Variants in NELL1 observed in about 807,000 individuals in gnomAD.
NELL1 encodes the protein neural EGFL like 1, also known as protein kinase C-binding protein NELL1.
NELL1 carries 76 observed loss-of-function variants against 107.4 expected under a neutral mutation model. The ratio of observed to expected loss-of-function variants is 0.71; its 90% CI spans 0.59 to 0.86. The LOEUF is 0.86. Among genes scored for constraint, NELL1 ranks in the 40% least tolerant of loss-of-function variants. The pLI, the probability that NELL1 is intolerant of heterozygous loss-of-function variation, is 0.00. For synonymous variants in NELL1, 353 were observed against 341.2 expected (o/e 1.03, Z -0.38); for missense variants, 1,024 against 1,005.5 (o/e 1.02, Z -0.25).
At chr11:21,119,790 T>G (rs1482263216) in intron 13 of NELL1, among the ~76,000 whole-genome samples, 1 of 152,066 alleles carries the variant, frequency 6.6e-6, no homozygotes, top group Non-Finnish European at 1.5e-5. Flanking sequence ...ATGCTTTTGG[T>G]TTTTGGAATA....
chr11:21,520,970 G>T (rs765005848), intron 15 of NELL1, among the ~76,000 whole-genome samples: 1 of 152,214 alleles, frequency 6.6e-6, no homozygotes, highest in Non-Finnish European at 1.5e-5. Flanking sequence ...GTTCAATAGA[G>T]TCCTATGGTT....
At chr11:21,421,398 T>TCAA (rs1430735737) in intron 15 of NELL1, among the ~76,000 whole-genome samples, 1 of 152,102 alleles carries the variant, frequency 6.6e-6, no homozygotes, top group African/African-American at 2.4e-5. Flanking sequence ...CCTACCCACC[T>TCAA]CAACTCTGTG....
intron 3 of NELL1, among the ~76,000 whole-genome samples, chr11:20,818,068 T>C (rs1423263215): frequency 2.6e-5 from 4 of 152,192 alleles, no homozygotes; most frequent in Admixed American, 2.6e-4. Context: ...ATTCTGTGTT[T>C]GATGGATGGA....
intron 2 of NELL1, among the ~76,000 whole-genome samples, chr11:20,757,893 A>C (rs1856332939): frequency 6.6e-6 from 1 of 152,212 alleles, no homozygotes; most frequent in Non-Finnish European, 1.5e-5. Flanking sequence ...TTGATGGCTT[A>C]AACAACAGAA....
chr11:21,437,179 T>C (rs949869616), intron 15 of NELL1, among the ~76,000 whole-genome samples: 1 of 152,202 alleles, frequency 6.6e-6, no homozygotes, highest in Admixed American at 6.5e-5. Context: ...ATTTTTCATC[T>C]AGATGGTCTG....
At chr11:21,556,768 A>G (rs1403507599) in intron 16 of NELL1, among the ~76,000 whole-genome samples, 1 of 152,036 alleles carries the variant, frequency 6.6e-6, no homozygotes, top group Non-Finnish European at 1.5e-5. Context: ...AAAATATTTC[A>G]TTCGAGCATG....
intron 12 of NELL1, among the ~76,000 whole-genome samples, chr11:21,023,062 A>G (rs929486460): frequency 6.6e-6 from 1 of 152,014 alleles, no homozygotes; most frequent in Non-Finnish European, 1.5e-5. Context: ...TACTCACTGA[A>G]ATTTTCTAAC....
chr11:21,329,645 G>A (rs7943428), intron 14 of NELL1, among the ~76,000 whole-genome samples: 1 of 151,772 alleles, frequency 6.6e-6, no homozygotes, highest in African/African-American at 2.4e-5. Flanking sequence ...ATACATATAA[G>A]CCTTTTTAAA....
chr11:21,181,149 C>A (rs1455047382), intron 13 of NELL1, among the ~76,000 whole-genome samples: 4 of 151,812 alleles, frequency 2.6e-5, no homozygotes, highest in African/African-American at 9.7e-5. Flanking sequence ...TATTTGTCAT[C>A]ATTGAGATTT....
intron 13 of NELL1, among the ~76,000 whole-genome samples, chr11:21,221,767 A>G (rs949216621): frequency 2.6e-5 from 4 of 152,126 alleles, no homozygotes; most frequent in African/African-American, 9.7e-5. Flanking sequence ...ATCAGGGCTC[A>G]CTGCAGCCTT....
At chr11:21,523,118 A>G (rs1418761910) in intron 15 of NELL1, among the ~76,000 whole-genome samples, 3 of 151,986 alleles carry the variant, frequency 2.0e-5, no homozygotes, top group Non-Finnish European at 4.4e-5. Flanking sequence ...AAGAGCTGGG[A>G]TTACAGGTGT....
intron 4 of NELL1, among the ~76,000 whole-genome samples, chr11:20,881,985 G>A (rs762113218): frequency 7.2e-5 from 11 of 152,198 alleles, no homozygotes; most frequent in Admixed American, 1.3e-4. Context: ...ACACTGGAGA[G>A]CAAGGAGTTC....
chr11:20,993,859 G>GAT (rs1852031534), intron 12 of NELL1, among the ~76,000 whole-genome samples: 3 of 144,496 alleles, frequency 2.1e-5, no homozygotes, highest in African/African-American at 7.7e-5. Flanking sequence ...GGGACCCATG[G>GAT]ATACAGAGAG....
rs532686892 is a variant in NELL1, at chr11:21,007,546, C to T, written c.1300+46986C>T. ...TGGAGCTTTTTGCATGCATATCTTACACTCTCTGTTAGCCTTCCTCACTGG... is the reference window on the plus strand; with the variant it reads ...TGGAGCTTTTTGCATGCATATCTTATACTCTCTGTTAGCCTTCCTCACTGG... On this transcript the variant is annotated intron_variant, in intron 12 of 19. Coordinates refer to ENST00000357134, the MANE Select transcript of NELL1 (RefSeq NM_006157.5). 1.4e-3 allele frequency among the ~76,000 whole-genome samples: 217 copies of T among 152,158 alleles called. 1 individual carries two copies. Among genetic ancestry groups the T allele is most frequent in the African/African-American group, 4.8e-3 (199 of 41,532 alleles).
intron 5 of NELL1, among the ~76,000 whole-genome samples, chr11:20,889,686 T>C (rs1849577964): frequency 6.6e-6 from 1 of 152,162 alleles, no homozygotes; most frequent in Non-Finnish European, 1.5e-5. Flanking sequence ...CCGGGTTCTG[T>C]CATCAAAATT....
chr11:21,525,927 G>T (rs1048459883), intron 15 of NELL1, among the ~76,000 whole-genome samples: 2 of 152,098 alleles, frequency 1.3e-5, no homozygotes, highest in Non-Finnish European at 2.9e-5. Flanking sequence ...CTATCATTCT[G>T]CCCTGACCCC....
intron 12 of NELL1, among the ~76,000 whole-genome samples, chr11:20,981,902 A>C (rs1851756986): frequency 1.3e-5 from 2 of 152,140 alleles, no homozygotes; most frequent in Admixed American, 1.3e-4. Flanking sequence ...AGCTGGATTC[A>C]GGGCTCAAAC....
chr11:21,265,081 T>C (rs995875213), intron 14 of NELL1, among the ~76,000 whole-genome samples: 4 of 152,066 alleles, frequency 2.6e-5, no homozygotes, highest in African/African-American at 9.6e-5. Flanking sequence ...ATAAGCTGTT[T>C]CCAATTTCTA....
chr11:20,695,544 G>A lies in NELL1; in HGVS notation c.184+17484G>A, dbSNP rs117043127. 8.0e-3 allele frequency among the ~76,000 whole-genome samples: 1,213 copies of A among 152,142 alleles called. 11 individuals are homozygous for A. Among genetic ancestry groups the A allele is most frequent in the Non-Finnish European group, 0.012 (783 of 67,978 alleles). On this transcript the variant is annotated intron_variant, in intron 2 of 19. Transcript: ENST00000357134. ...CAAAAGCTTTTTCTGTGCCTATTTG[G>A]ATGATCATATGGTTTCTGTTTTAGT...
Sources: gnomAD v4.1 joint callset for allele counts (sites outside exome capture counted in the v4.1 genomes callset) on GRCh38, gnomAD v4.1.1 for gene constraint, MANE v1.5 for transcripts, NCBI Gene and HGNC (gene_info 2026-07-23, HGNC 2026-07-21) for gene names.